Variants in C8A observed in about 807,000 individuals in gnomAD.
C8A encodes complement C8 alpha chain, also known as complement component C8 alpha chain.
Under a neutral mutation model 65.3 loss-of-function variants are expected in C8A, and 67 were observed. That is an observed-to-expected ratio of 1.03 (90% CI 0.84 to 1.26). The LOEUF is 1.26. C8A is among the 50% of genes most tolerant of loss of function. The probability of loss-of-function intolerance (pLI) is 0.00; values close to 1 mark genes in which losing one functional copy is unlikely to be tolerated. For synonymous variants in C8A, 290 were observed against 259.4 expected (o/e 1.12, Z -1.13); for missense variants, 781 against 723.9 (o/e 1.08, Z -0.90).
At chr1:56,903,046 G>A (rs1163500096) in intron 7 of C8A, among the ~76,000 whole-genome samples, 1 of 151,992 alleles carries the variant, frequency 6.6e-6, no homozygotes, top group Non-Finnish European at 1.5e-5. Context: ...TTGTTCTCCC[G>A]CTAAGCTGTC....
Position 56,869,733 on chromosome 1 carries a change from T to A in C8A, c.171+2031T>A, listed in dbSNP as rs532360926. On this transcript the variant is annotated intron_variant, in intron 2 of 10. Coordinates refer to ENST00000361249, the MANE Select transcript of C8A (RefSeq NM_000562.3). ...TTTCAGGAGTAAGGTGATATCTCAT[T>A]ACAGTTTTAATTTGTGGAATGCCAG... Among the ~76,000 whole-genome samples the A allele has an allele frequency of 6.6e-5, 10 of 152,328 alleles. 2 individuals carry two copies. The South Asian group carries it at 1.9e-3, about 28-fold the overall frequency.
At chr1:56,896,840 T>G (rs1343685654) in intron 7 of C8A, among the ~76,000 whole-genome samples, 1 of 152,182 alleles carries the variant, frequency 6.6e-6, no homozygotes, top group Non-Finnish European at 1.5e-5. Context: ...GGAATAAGCA[T>G]CACTGGGTTC....
At chr1:56,874,228 C>T (rs1419060862) in intron 2 of C8A, among the ~76,000 whole-genome samples, 1 of 152,140 alleles carries the variant, frequency 6.6e-6, no homozygotes. Flanking sequence ...GAGTCATGTG[C>T]CAATCCTTGA....
At chr1:56,885,285 C>A (rs1035534489) in intron 6 of C8A, among the ~76,000 whole-genome samples, 1 of 136,992 alleles carries the variant, frequency 7.3e-6, no homozygotes, top group East Asian at 2.1e-4. Flanking sequence ...TATATATTTA[C>A]ATAAATATAT....
At chr1:56,863,675 C>G (rs1644055852) in intron 1 of C8A, among the ~76,000 whole-genome samples, 3 of 152,160 alleles carry the variant, frequency 2.0e-5, no homozygotes, top group Admixed American at 6.5e-5. Context: ...TTAGAACAGT[C>G]TATTAGAAAA....
chr1:56,876,486 T>C (rs1396051350), intron 4 of C8A, among the ~76,000 whole-genome samples: 1 of 151,862 alleles, frequency 6.6e-6, no homozygotes, highest in Admixed American at 6.6e-5. Context: ...CTAAGGCCCA[T>C]TTAAGAAGCC....
intron 7 of C8A, among the ~76,000 whole-genome samples, chr1:56,899,618 T>G (rs1258416404): frequency 6.6e-6 from 1 of 152,152 alleles, no homozygotes; most frequent in Admixed American, 6.6e-5. Flanking sequence ...CCACTTATAC[T>G]GCAGAAATGC....
At chr1:56,886,824 A>G (rs187161064) in intron 7 of C8A, among the ~76,000 whole-genome samples, 99 of 152,326 alleles carry the variant, frequency 6.5e-4, no homozygotes, top group African/African-American at 2.2e-3. Context: ...GACTATTAGC[A>G]TCGACCACAT....
intron 2 of C8A, among the ~76,000 whole-genome samples, chr1:56,870,101 G>C (rs2101205881): frequency 6.6e-6 from 1 of 152,132 alleles, no homozygotes; most frequent in Admixed American, 6.5e-5. Context: ...ATTTTGCTCT[G>C]ACATCCTGTA....
chr1:56,899,628 C>T (rs1644411892), intron 7 of C8A, among the ~76,000 whole-genome samples: 3 of 152,160 alleles, frequency 2.0e-5, no homozygotes, highest in Admixed American at 2.0e-4. Context: ...TGCAGAAATG[C>T]CCATTAAGAA....
chr1:56,878,096 G>A (rs1375733846), intron 4 of C8A, among the ~76,000 whole-genome samples: 1 of 152,074 alleles, frequency 6.6e-6, no homozygotes. Context: ...TCCCTGGCTT[G>A]TTGATGGCTG....
chr1:56,889,912 A>G (rs540283863), intron 7 of C8A, among the ~76,000 whole-genome samples: 1 of 152,092 alleles, frequency 6.6e-6, no homozygotes, highest in African/African-American at 2.4e-5. Flanking sequence ...AGATCCTAAC[A>G]TTTCCTCAAG....
chr1:56,906,829 C>A (rs1411580735), intron 8 of C8A, 37 bp downstream of exon 8: 5 of 1,613,396 alleles, frequency 3.1e-6, no homozygotes, highest in Non-Finnish European at 4.2e-6. Flanking sequence ...AAAAGAGAAG[C>A]CAGGCTTTCC....
intron 10 of C8A, among the ~76,000 whole-genome samples, chr1:56,917,045 C>G (rs1644558238): frequency 6.6e-6 from 1 of 152,200 alleles, no homozygotes; most frequent in South Asian, 2.1e-4. Flanking sequence ...TCCATTGACT[C>G]TGTGTCATTC....
intron 7 of C8A, among the ~76,000 whole-genome samples, chr1:56,903,038 G>A (rs904196194): frequency 2.0e-5 from 3 of 151,856 alleles, no homozygotes; most frequent in Non-Finnish European, 4.4e-5. Context: ...CTTTTCTTTT[G>A]TTCTCCCGCT....
At chr1:56,870,137 A>C (rs2101205953) in intron 2 of C8A, among the ~76,000 whole-genome samples, 1 of 152,204 alleles carries the variant, frequency 6.6e-6, no homozygotes, top group South Asian at 2.1e-4. Flanking sequence ...CACTGGAACA[A>C]ATTCCCACAA....
Position 56,906,873 on chromosome 1 carries a change from T to C in C8A, c.1222+81T>C. 5.1e-6 allele frequency: 8 copies of C among 1,561,824 alleles called. 1 individual carries two copies. In the South Asian group the frequency reaches 7.8e-5, roughly 15 times the overall value. ...CACACTGGGACATGGAAGCTATTTTTTTTCCCAGTTGATTGCATTTTAGTC... is the reference window on the plus strand; with the variant it reads ...CACACTGGGACATGGAAGCTATTTTCTTTCCCAGTTGATTGCATTTTAGTC... On this transcript the variant is annotated intron_variant, in intron 8 of 10. Coordinates refer to ENST00000361249, the MANE Select transcript of C8A (RefSeq NM_000562.3).
chr1:56,875,126 C>T (rs1570323036), intron 3 of C8A, 33 bp downstream of exon 3: 2 of 1,609,022 alleles, frequency 1.2e-6, no homozygotes, highest in African/African-American at 1.3e-5. Flanking sequence ...AACAGCTGTG[C>T]CTGTCAAAAG....
chr1:56,860,918 C>A (rs1034838367), intron 1 of C8A, among the ~76,000 whole-genome samples: 1 of 152,098 alleles, frequency 6.6e-6, no homozygotes, highest in Non-Finnish European at 1.5e-5. Flanking sequence ...CTGAAGAAGT[C>A]CAAGAGATGA....
Sources: gnomAD v4.1 joint callset for allele counts (sites outside exome capture counted in the v4.1 genomes callset) on GRCh38, gnomAD v4.1.1 for gene constraint, MANE v1.5 for transcripts, NCBI Gene and HGNC (gene_info 2026-07-23, HGNC 2026-07-21) for gene names.